The following VRK2 variants were observed in gnomAD, a reference collection of about 807,000 sequenced individuals.
VRK2 encodes the protein VRK serine/threonine kinase 2, also known as serine/threonine-protein kinase VRK2.
A neutral mutation model predicts 57.6 loss-of-function variants in VRK2; 60 were observed. That is an observed-to-expected ratio of 1.04 (90% CI 0.85 to 1.29). The LOEUF (loss-of-function observed/expected upper bound fraction) is 1.29, where lower values mean the gene tolerates loss of function less well. Among genes scored for constraint, VRK2 ranks in the 50% most tolerant of loss-of-function variants. The pLI is 0.00. For synonymous variants in VRK2, 231 were observed against 199.2 expected (o/e 1.16, Z -1.35); for missense variants, 705 against 588.1 (o/e 1.20, Z -2.06).
chr2:58,083,733 AT>A (rs1488292691), intron 2 of VRK2, among the ~76,000 whole-genome samples: 1 of 151,830 alleles, frequency 6.6e-6, no homozygotes, highest in East Asian at 1.9e-4. Flanking sequence ...AATGCCATAT[AT>A]CTATAAAATA....
chr2:57,934,023 C>A (rs187664576), intron 1 of VRK2, among the ~76,000 whole-genome samples: 1 of 152,132 alleles, frequency 6.6e-6, no homozygotes, highest in Non-Finnish European at 1.5e-5. Flanking sequence ...AAACTCCATA[C>A]TTTTGCTACC....
rs13422416 is a variant in VRK2 at position 58,157,300 on chromosome 2, A to G, written c.1183-2049A>G. Among the ~76,000 whole-genome samples the G allele has an allele frequency of 4.9e-3, 745 of 152,260 alleles. 6 individuals carry two copies. The highest frequency in any genetic ancestry group is 0.016 in the African/African-American group (644 of 41,536). ...CGATTCTGATGTGCATTCAAAGTTA[A>G]TAACTATTCTAATGTAGGGTTTCTT... is the stretch of plus-strand genomic sequence containing the variant. On this transcript the variant is annotated intron_variant, in intron 12 of 12. Coordinates refer to ENST00000340157, the MANE Select transcript of VRK2 (RefSeq NM_006296.7).
rs1673444924 is a variant in VRK2 at position 58,012,517 on chromosome 2, T to C, written c.-438-13148T>C. Among the ~76,000 whole-genome samples, 4 of 152,230 alleles carry C rather than the reference T, an allele frequency of 2.6e-5. No homozygotes were observed. In the South Asian group the frequency reaches 8.3e-4, roughly 32 times the overall value. On this transcript the variant is annotated intron_variant, in intron 1 of 15. Coordinates refer to the VRK2 transcript ENST00000417641. ...TCAGGCATGCTTAATTAAATCACTG[T>C]CATTGGCAATTGAACTCAATCTTCA...
chr2:57,946,951 C>A (rs1311802595), intron 1 of VRK2, among the ~76,000 whole-genome samples: 1 of 152,074 alleles, frequency 6.6e-6, no homozygotes, highest in Non-Finnish European at 1.5e-5. Flanking sequence ...ATGAAGAAGT[C>A]TTCAGGAAGA....
chr2:57,976,301 TAGTTCTGTTTTA>T (rs1558521833), intron 1 of VRK2, among the ~76,000 whole-genome samples: 1 of 152,160 alleles, frequency 6.6e-6, no homozygotes, highest in Non-Finnish European at 1.5e-5. Flanking sequence ...GGTCAAGTGG[TAGTTCTGTTTTA>T]AGTTCTTTGA....
At chr2:58,152,163 A>T (rs889717901) in intron 12 of VRK2, among the ~76,000 whole-genome samples, 1 of 151,910 alleles carries the variant, frequency 6.6e-6, no homozygotes, top group African/African-American at 2.4e-5. Context: ...AATCAGAATA[A>T]TATTACTGAG....
intron 1 of VRK2, among the ~76,000 whole-genome samples, chr2:57,937,973 A>G (rs557755111): frequency 6.6e-6 from 1 of 151,796 alleles, no homozygotes; most frequent in Non-Finnish European, 1.5e-5. Flanking sequence ...CTGGGACTAC[A>G]GGTGCCCGCA....
At chr2:58,078,570 C>A (rs1266654346) in intron 2 of VRK2, among the ~76,000 whole-genome samples, 1 of 152,046 alleles carries the variant, frequency 6.6e-6, no homozygotes, top group African/African-American at 2.4e-5. Context: ...GAGGAGCCGC[C>A]ATACCATTTT....
At chr2:57,909,368 C>T (rs1421694107) in intron 1 of VRK2, among the ~76,000 whole-genome samples, 4 of 152,082 alleles carry the variant, frequency 2.6e-5, no homozygotes, top group Non-Finnish European at 1.5e-5. Flanking sequence ...CATAGCATCA[C>T]TATGGAGATT....
chr2:58,125,762 A>G (rs560674465), intron 8 of VRK2, among the ~76,000 whole-genome samples: 5 of 152,192 alleles, frequency 3.3e-5, no homozygotes, highest in East Asian at 3.9e-4. Context: ...ATATGTACAC[A>G]TATATACACA....
intron 8 of VRK2, 108 bp downstream of exon 8, chr2:58,123,341 A>T: frequency 7.6e-7 from 1 of 1,321,812 alleles, no homozygotes; most frequent in Non-Finnish European, 1.0e-6. Flanking sequence ...GAAGCATAAG[A>T]GCACTGGTGA....
At chr2:58,100,050 A>C in intron 7 of VRK2, among the ~76,000 whole-genome samples, 1 of 152,164 alleles carries the variant, frequency 6.6e-6, no homozygotes, top group Non-Finnish European at 1.5e-5. Context: ...GTGATCTGGA[A>C]GAAGGAGTTG....
intron 3 of VRK2, among the ~76,000 whole-genome samples, chr2:58,037,932 T>C (rs533795233): frequency 3.9e-5 from 6 of 152,170 alleles, no homozygotes; most frequent in African/African-American, 1.4e-4. Context: ...TGGGAAAATA[T>C]AAAAGACTGA....
At chr2:58,130,479 A>G (rs1433063388) in intron 8 of VRK2, among the ~76,000 whole-genome samples, 3 of 152,216 alleles carry the variant, frequency 2.0e-5, no homozygotes, top group Non-Finnish European at 1.5e-5. Flanking sequence ...ATGGGACTGT[A>G]GCATTCTGCT....
chr2:58,138,827 T>C (rs999003441), intron 10 of VRK2, among the ~76,000 whole-genome samples: 1 of 152,182 alleles, frequency 6.6e-6, no homozygotes, highest in Non-Finnish European at 1.5e-5. Context: ...AGTTTTTAAA[T>C]AGTATTTGGT....
intron 1 of VRK2, among the ~76,000 whole-genome samples, chr2:57,999,243 A>G (rs1425186258): frequency 2.6e-5 from 4 of 152,194 alleles, no homozygotes; most frequent in Non-Finnish European, 5.9e-5. Context: ...ATTTCAGGCC[A>G]TATAATGCAC....
At chr2:58,047,393 G>A (rs1674988397) in intron 1 of VRK2, 1 of 985,072 alleles carries the variant, frequency 1.0e-6, no homozygotes, top group African/African-American at 1.7e-5. Flanking sequence ...AGAAGCCGAA[G>A]GGACACCCCT....
chr2:58,096,511 C>T (rs935332376), intron 7 of VRK2, among the ~76,000 whole-genome samples: 9 of 151,684 alleles, frequency 5.9e-5, no homozygotes, highest in African/African-American at 1.2e-4. Context: ...TTTATTTGTG[C>T]GGTGGTCTGC....
chr2:58,116,729 AG>A (rs1209237855), intron 7 of VRK2, among the ~76,000 whole-genome samples: 1 of 152,198 alleles, frequency 6.6e-6, no homozygotes, highest in Non-Finnish European at 1.5e-5. Flanking sequence ...GCCTTGGGCC[AG>A]AGTTCCAGGG....
Sources: allele counts gnomAD v4.1 joint callset (sites outside exome capture counted in the v4.1 genomes callset), GRCh38; gene constraint gnomAD v4.1.1; transcripts MANE v1.5; gene names NCBI Gene and HGNC (gene_info 2026-07-23, HGNC 2026-07-21).